MTHFD1L: variants seen among roughly 807,000 people sequenced by gnomAD.
The protein encoded by MTHFD1L is methylenetetrahydrofolate dehydrogenase (NADP+ dependent) 1 like.
A neutral mutation model predicts 119.5 loss-of-function variants in MTHFD1L; 81 were observed. The ratio of observed to expected loss-of-function variants is 0.68; its 90% CI spans 0.57 to 0.82. The LOEUF is 0.82. Among genes scored for constraint, MTHFD1L ranks in the 40% least tolerant of loss-of-function variants. The pLI is 0.00. For missense variants in MTHFD1L, 1,125 were observed against 1,253.4 expected, an observed-to-expected ratio of 0.90 and a Z score of 1.55; for synonymous variants, 430 against 475.2, an observed-to-expected ratio of 0.90 and a Z score of 1.24.
intron 4 of MTHFD1L, among the ~76,000 whole-genome samples, chr6:150,880,972 A>G (rs1781304938): frequency 2.0e-5 from 3 of 151,996 alleles, no homozygotes; most frequent in Admixed American, 1.3e-4. Flanking sequence ...TGAGTTCCTT[A>G]TATATTCTGG....
rs150021321 is a variant in MTHFD1L, at chr6:151,066,508, G to A, written c.2848-25959G>A. Among the ~76,000 whole-genome samples, 89 of 148,058 alleles carry A rather than the reference G, an allele frequency of 6.0e-4. No homozygotes were observed. In the East Asian group the frequency reaches 0.012, roughly 21 times the overall value. ...TAGCCGGGTGCGGTGGCTCACACCT[G>A]TAATCCCAGCACTTTGGGAGGCCGA... On this transcript the variant is annotated intron_variant, in intron 26 of 27. Coordinates refer to ENST00000367321, the MANE Select transcript of MTHFD1L (RefSeq NM_015440.5).
chr6:151,006,002 A>G (rs1048971487), intron 20 of MTHFD1L, among the ~76,000 whole-genome samples: 42 of 151,966 alleles, frequency 2.8e-4, no homozygotes, highest in African/African-American at 9.2e-4. Context: ...TGGCCTTGAC[A>G]TCACTGGCTC....
At chr6:151,037,529 G>A in intron 26 of MTHFD1L, among the ~76,000 whole-genome samples, 1 of 152,146 alleles carries the variant, frequency 6.6e-6, no homozygotes, top group Admixed American at 6.5e-5. Context: ...CCCAAGGGCT[G>A]GGGAAAGCAG....
intron 2 of MTHFD1L, among the ~76,000 whole-genome samples, chr6:150,877,384 A>G (rs1370030637): frequency 2.6e-5 from 4 of 152,182 alleles, no homozygotes; most frequent in African/African-American, 9.7e-5. Context: ...AAAGCTGGCT[A>G]GGTTACTATG....
At chr6:151,026,439 C>T (rs1461384019) in intron 24 of MTHFD1L, among the ~76,000 whole-genome samples, 1 of 152,176 alleles carries the variant, frequency 6.6e-6, no homozygotes, top group East Asian at 1.9e-4. Context: ...ATTTCCAGTG[C>T]TTTTAATAGC....
At position 150,877,089 on chromosome 6, in the gene MTHFD1L, G is replaced by A. The variant is rs1016305438; in HGVS notation, c.313-545G>A. Among the ~76,000 whole-genome samples, 5 of 152,134 alleles carry A rather than the reference G, an allele frequency of 3.3e-5. No homozygotes were observed. In the South Asian group the frequency reaches 6.2e-4, roughly 19 times the overall value. On this transcript the variant is annotated intron_variant, in intron 2 of 27. Transcript: ENST00000367321. Reference sequence around the variant, plus strand: ...TCTTTTTGTGATGGGGTCTTGCTCTGTTGCCTGAGCTGGAGTGCAGTGGCA... The same window carrying A: ...TCTTTTTGTGATGGGGTCTTGCTCTATTGCCTGAGCTGGAGTGCAGTGGCA...
At chr6:150,879,757 G>A (rs1554226203) in intron 4 of MTHFD1L, among the ~76,000 whole-genome samples, 1 of 149,596 alleles carries the variant, frequency 6.7e-6, no homozygotes, top group Non-Finnish European at 1.5e-5. Flanking sequence ...AGCCTCCCAA[G>A]TAACTGGGTT....
rs772060230 is a variant in MTHFD1L, at chr6:150,922,309, C to G, written c.1082+7C>G. On this transcript the variant is annotated splice_region_variant and intron_variant, in intron 10 of 27. Coordinates refer to ENST00000367321, the MANE Select transcript of MTHFD1L (RefSeq NM_015440.5). ...CTCTCTCCCCTGTGCCAAGGTAACA[C>G]TGGTGTTTTATTTACACTGATGTCA... 5.0e-6 allele frequency: 8 copies of G among 1,612,050 alleles called. No homozygotes were observed. The Admixed American group carries it at 5.0e-5, about 10-fold the overall frequency.
intron 19 of MTHFD1L, 38 bp downstream of exon 19, chr6:150,965,075 A>G: frequency 6.3e-7 from 1 of 1,580,422 alleles, no homozygotes; most frequent in Non-Finnish European, 8.7e-7. Flanking sequence ...GTTTGCATTA[A>G]CTGGATTGCC....
At chr6:150,934,826 G>T in intron 11 of MTHFD1L, 3 of 1,082,814 alleles carry the variant, frequency 2.8e-6, no homozygotes, top group Non-Finnish European at 2.6e-6. Flanking sequence ...CTTATCCCTC[G>T]TAGAAATGCC....
intron 10 of MTHFD1L, among the ~76,000 whole-genome samples, chr6:150,923,564 T>G (rs1234329887): frequency 1.1e-5 from 1 of 90,294 alleles, no homozygotes; most frequent in Non-Finnish European, 2.5e-5. Context: ...TTTTTTTTTT[T>G]GAGACAGAGT....
chr6:150,872,638 A>G (rs1339128600), intron 1 of MTHFD1L, among the ~76,000 whole-genome samples: 1 of 152,218 alleles, frequency 6.6e-6, no homozygotes, highest in African/African-American at 2.4e-5. Context: ...GAAATATTGT[A>G]AGAATTATCA....
intron 8 of MTHFD1L, chr6:150,912,788 T>G (rs77723803): frequency 1.0e-3 from 439 of 424,492 alleles, no homozygotes; most frequent in African/African-American, 5.5e-3. Context: ...GTCCACGGTT[T>G]CGGATGAGAT....
chr6:150,872,804 T>C (rs1018618499), intron 1 of MTHFD1L, among the ~76,000 whole-genome samples: 2 of 151,778 alleles, frequency 1.3e-5, no homozygotes, highest in Admixed American at 1.3e-4. Flanking sequence ...TATTTTTTTT[T>C]CTATCCACAT....
At chr6:150,960,538 C>T in intron 18 of MTHFD1L, 123 bp downstream of exon 18, 3 of 1,284,186 alleles carry the variant, frequency 2.3e-6, no homozygotes, top group South Asian at 1.6e-5. Flanking sequence ...AGTTTCCACA[C>T]ACACATTTCT....
intron 11 of MTHFD1L, among the ~76,000 whole-genome samples, chr6:150,927,455 C>CTTTT (rs543783528): frequency 1.6e-5 from 2 of 125,076 alleles, no homozygotes; most frequent in African/African-American, 3.1e-5. Context: ...ATCCCAGATT[C>CTTTT]TTTTTTTTTT....
chr6:150,956,863 T>C (rs1252825791), intron 17 of MTHFD1L, among the ~76,000 whole-genome samples: 1 of 140,192 alleles, frequency 7.1e-6, no homozygotes, highest in Non-Finnish European at 1.6e-5. Context: ...GGTATTGGAT[T>C]AAGAAGAGAA....
intron 1 of MTHFD1L, chr6:150,866,550 T>A: frequency 8.0e-7 from 1 of 1,253,772 alleles, no homozygotes; most frequent in East Asian, 3.3e-5. Flanking sequence ...CGAAGCTCCC[T>A]GGTGTTGTGC....
rs144410292 is a variant in MTHFD1L at position 150,952,480 on chromosome 6, C to G, written c.1726+3347C>G. On this transcript the variant is annotated intron_variant, in intron 16 of 27. Transcript: ENST00000367321. ...CTCTTCTCAGGCCATATGGATGTTGCGCCATTTAATGACCACCCCTTCCTT... is the reference window on the plus strand; with the variant it reads ...CTCTTCTCAGGCCATATGGATGTTGGGCCATTTAATGACCACCCCTTCCTT... Among the ~76,000 whole-genome samples the G allele has an allele frequency of 3.0e-3, 456 of 152,234 alleles. 3 individuals are homozygous for G. Among genetic ancestry groups the G allele is most frequent in the Non-Finnish European group, 5.4e-3 (368 of 68,026 alleles).
Sources: gnomAD v4.1 joint callset for allele counts (sites outside exome capture counted in the v4.1 genomes callset) on GRCh38, gnomAD v4.1.1 for gene constraint, MANE v1.5 for transcripts, NCBI Gene and HGNC (gene_info 2026-07-23, HGNC 2026-07-21) for gene names.